Variants in PLXDC2 observed in about 807,000 individuals in gnomAD.
The protein encoded by PLXDC2 is plexin domain containing 2.
A neutral mutation model predicts 68.9 loss-of-function variants in PLXDC2; 40 were observed. The ratio of observed to expected loss-of-function variants is 0.58; its 90% confidence interval spans 0.45 to 0.76. The LOEUF (loss-of-function observed/expected upper bound fraction) is 0.76, where lower values mean the gene tolerates loss of function less well. Among genes scored for constraint, PLXDC2 ranks in the 30% least tolerant of loss-of-function variants. The pLI, the probability that PLXDC2 is intolerant of heterozygous loss-of-function variation, is 0.00. For synonymous variants in PLXDC2, 243 were observed against 234.2 expected, an observed-to-expected ratio of 1.04 and a Z score of -0.34; for missense variants, 644 against 661.9, an observed-to-expected ratio of 0.97 and a Z score of 0.30.
intron 5 of PLXDC2, among the ~76,000 whole-genome samples, chr10:20,143,731 A>T (rs1834036934): frequency 6.6e-6 from 1 of 152,110 alleles, no homozygotes; most frequent in Non-Finnish European, 1.5e-5. Flanking sequence ...TCAGAAAAAA[A>T]TGGAAATAAG....
chr10:20,023,115 T>C (rs1410528857), intron 2 of PLXDC2, among the ~76,000 whole-genome samples: 1 of 131,424 alleles, frequency 7.6e-6, no homozygotes, highest in South Asian at 2.5e-4. Context: ...TAAATATATA[T>C]GTTTATATAT....
chr10:19,881,002 TGTGCTCAAATGAGCTCTGA>T (rs1330622802), intron 1 of PLXDC2, among the ~76,000 whole-genome samples: 1 of 152,242 alleles, frequency 6.6e-6, no homozygotes, highest in Non-Finnish European at 1.5e-5. Context: ...AAAATTAGGT[TGTGCTCAAATGAGCTCTGA>T]GCCTGCCTAC....
chr10:19,853,270 C>G (rs1209270822), intron 1 of PLXDC2, among the ~76,000 whole-genome samples: 1 of 152,074 alleles, frequency 6.6e-6, no homozygotes, highest in African/African-American at 2.4e-5. Flanking sequence ...TCTTATATTG[C>G]TTATTGAATA....
intron 1 of PLXDC2, among the ~76,000 whole-genome samples, chr10:19,902,434 T>TTTTAC (rs1564624031): frequency 6.6e-6 from 1 of 152,114 alleles, no homozygotes; most frequent in Non-Finnish European, 1.5e-5. Context: ...TTTTATTTTA[T>TTTTAC]TGCAGCTATT....
chr10:19,967,623 C>A (rs574110934), intron 1 of PLXDC2, among the ~76,000 whole-genome samples: 2 of 152,008 alleles, frequency 1.3e-5, no homozygotes, highest in African/African-American at 4.8e-5. Context: ...CAGACCTTAC[C>A]ACTTAAAATC....
intron 4 of PLXDC2, among the ~76,000 whole-genome samples, chr10:20,092,605 C>G (rs917546611): frequency 2.6e-5 from 4 of 152,014 alleles, no homozygotes; most frequent in African/African-American, 9.7e-5. Context: ...TATTTATGAT[C>G]TGTAGAAGGT....
chr10:19,958,980 T>A (rs2131601093), intron 1 of PLXDC2, among the ~76,000 whole-genome samples: 1 of 152,284 alleles, frequency 6.6e-6, no homozygotes, highest in South Asian at 2.1e-4. Flanking sequence ...TTAACCAGGT[T>A]TTGTGGCCTA....
At chr10:20,012,479 C>CTT (rs66484623) in intron 2 of PLXDC2, among the ~76,000 whole-genome samples, 2 of 143,826 alleles carry the variant, frequency 1.4e-5, no homozygotes, top group African/African-American at 2.5e-5. Context: ...CCACGCCCAG[C>CTT]TTTTTTTTTT....
At chr10:20,080,950 T>G (rs1836545712) in intron 4 of PLXDC2, among the ~76,000 whole-genome samples, 1 of 152,192 alleles carries the variant, frequency 6.6e-6, no homozygotes, top group Non-Finnish European at 1.5e-5. Flanking sequence ...GGCCTAAGGG[T>G]CAGAAACTCC....
chr10:20,242,988 G>A (rs1320496947), intron 12 of PLXDC2, among the ~76,000 whole-genome samples: 2 of 152,008 alleles, frequency 1.3e-5, no homozygotes, highest in African/African-American at 4.8e-5. Context: ...CTGGGATTAC[G>A]GGCATGAGCC....
At position 20,287,045 on chromosome 10, in the gene PLXDC2, C is replaced by G. The variant is rs1264960898; in HGVS notation, c.*7226C>G. The G allele has an allele frequency of 6.6e-6, 1 of 152,162 alleles. No homozygotes were observed. Among genetic ancestry groups the G allele is most frequent in the Non-Finnish European group, 1.5e-5 (1 of 68,054 alleles). The allele number at this position is 152,162 out of a possible 1,614,324, so 9.4% of individuals were successfully genotyped here. ...GGCCGAGTTATTAACTTCTTAAGAG[C>G]AATGTGCTAATAAATACTCATTGAT... On this transcript the variant is annotated 3_prime_UTR_variant, in exon 14 of 14. Coordinates refer to ENST00000377252, the MANE Select transcript of PLXDC2 (RefSeq NM_032812.9).
intron 12 of PLXDC2, among the ~76,000 whole-genome samples, chr10:20,242,747 G>T (rs972630534): frequency 3.9e-5 from 6 of 152,106 alleles, no homozygotes; most frequent in African/African-American, 1.2e-4. Context: ...GTCTCGCTCT[G>T]TCGCCCAGGC....
chr10:20,087,992 T>C (rs1833223807), intron 4 of PLXDC2, among the ~76,000 whole-genome samples: 2 of 152,322 alleles, frequency 1.3e-5, no homozygotes, highest in Admixed American at 1.3e-4. Flanking sequence ...TTTTAGCCCA[T>C]GTAGAATGAA....
rs930737523 is a variant in PLXDC2, at chr10:20,262,254, A to G, written c.1473+16749A>G. Among the ~76,000 whole-genome samples, 81 of 152,214 alleles carry G rather than the reference A, an allele frequency of 5.3e-4. 1 individual carries two copies. ...ACCAAGGCCTTCAGTCTTCATTCTG[A>G]CAGCCAGAGCTATAAGGAGTCTCGT... On this transcript the variant is annotated intron_variant, in intron 13 of 13. Coordinates refer to ENST00000377252, the MANE Select transcript of PLXDC2 (RefSeq NM_032812.9).
intron 4 of PLXDC2, among the ~76,000 whole-genome samples, chr10:20,142,738 G>A (rs1834023347): frequency 6.6e-6 from 1 of 151,780 alleles, no homozygotes; most frequent in African/African-American, 2.4e-5. Context: ...ATAATATAGA[G>A]GCTTGAGCAA....
Position 19,950,064 on chromosome 10 carries a change from G to A in PLXDC2, c.113-51711G>A, listed in dbSNP as rs575596521. Reference sequence around the variant, plus strand: ...ACAAATCCACACCTAATATCATACTGAATGGGAAAAAGCTGGAAGCATTCC... The same window carrying A: ...ACAAATCCACACCTAATATCATACTAAATGGGAAAAAGCTGGAAGCATTCC... On this transcript the variant is annotated intron_variant, in intron 1 of 13. Coordinates refer to ENST00000377252, the MANE Select transcript of PLXDC2 (RefSeq NM_032812.9). 6.6e-5 allele frequency among the ~76,000 whole-genome samples: 10 copies of A among 152,208 alleles called. No individual in the cohort carries two copies. The East Asian group carries it at 1.7e-3, about 27-fold the overall frequency.
At chr10:20,212,726 A>C (rs1835085410) in intron 10 of PLXDC2, among the ~76,000 whole-genome samples, 1 of 152,166 alleles carries the variant, frequency 6.6e-6, no homozygotes, top group Admixed American at 6.6e-5. Flanking sequence ...ACATTCTTGA[A>C]CTTTAAATGC....
intron 1 of PLXDC2, among the ~76,000 whole-genome samples, chr10:19,952,232 C>T (rs1451964042): frequency 6.6e-6 from 1 of 152,176 alleles, no homozygotes; most frequent in Non-Finnish European, 1.5e-5. Context: ...TCCCTTTCTT[C>T]CTTCCTCCCT....
chr10:19,817,920 T>C (rs1055535608), intron 1 of PLXDC2, among the ~76,000 whole-genome samples: 8 of 152,138 alleles, frequency 5.3e-5, no homozygotes, highest in African/African-American at 1.9e-4. Flanking sequence ...CTCCGCATCC[T>C]CTTAGTGGCT....
Sources: allele counts gnomAD v4.1 joint callset (sites outside exome capture counted in the v4.1 genomes callset), GRCh38; gene constraint gnomAD v4.1.1; transcripts MANE v1.5; gene names NCBI Gene and HGNC (gene_info 2026-07-23, HGNC 2026-07-21).